Variants in RNF6 observed in about 807,000 individuals in gnomAD.
RNF6 encodes the protein E3 ubiquitin-protein ligase RNF6.
A neutral mutation model predicts 50.1 loss-of-function variants in RNF6; 21 were observed. The observed-to-expected ratio is 0.42, with a 90% CI of 0.30 to 0.60. The LOEUF is 0.60. Among genes scored for constraint, RNF6 ranks in the 20% least tolerant of loss-of-function variants. The pLI is 0.20. For synonymous variants in RNF6, 255 were observed against 291.8 expected (o/e 0.87, Z 1.29); for missense variants, 698 against 838.2 (o/e 0.83, Z 2.07).
chr13:26,166,205 G>A (rs1872444615), intron 5 of RNF6, among the ~76,000 whole-genome samples: 1 of 152,180 alleles, frequency 6.6e-6, no homozygotes, highest in Admixed American at 6.5e-5. Context: ...CATGTGAGAT[G>A]TGCCTTTCAC....
intron 5 of RNF6, among the ~76,000 whole-genome samples, chr13:26,164,136 T>C (rs1872338344): frequency 6.6e-6 from 1 of 152,232 alleles, no homozygotes; most frequent in South Asian, 2.1e-4. Context: ...ACTTGTTCTA[T>C]CAGCTAATTA....
rs753525436 is a variant in RNF6, at chr13:26,222,016, G to C, written c.-115C>G. Reference sequence around the variant, plus strand: ...CCTCGAGCCCACCTCTCCAGGTCTTGGGCCTTCGCCCTCCTGTCCGGAGAA... The same window carrying C: ...CCTCGAGCCCACCTCTCCAGGTCTTCGGCCTTCGCCCTCCTGTCCGGAGAA... On this transcript the variant is annotated 5_prime_UTR_variant, in exon 1 of 5. Coordinates refer to ENST00000381588, the MANE Select transcript of RNF6 (RefSeq NM_005977.4). The C allele has an allele frequency of 3.9e-5, 6 of 152,416 alleles. No individual in the cohort carries two copies. The highest frequency in any genetic ancestry group is 7.3e-5 in the Non-Finnish European group (5 of 68,082). The allele number at this position is 152,416 out of a possible 1,614,324, so 9.4% of individuals were successfully genotyped here. A position where few individuals can be genotyped will look rare whatever the true frequency, so the allele number is the denominator to read the frequency against.
intron 5 of RNF6, among the ~76,000 whole-genome samples, chr13:26,167,341 TAAAC>T (rs1316129107): frequency 6.6e-6 from 1 of 152,078 alleles, no homozygotes; most frequent in Non-Finnish European, 1.5e-5. Context: ...ATAAGGAACT[TAAAC>T]AAATTTACAA....
intron 5 of RNF6, among the ~76,000 whole-genome samples, chr13:26,149,926 ATATATACACAGTGTATATATAATGTG>A (rs1403327959): frequency 4.0e-5 from 4 of 99,144 alleles, no homozygotes; most frequent in Non-Finnish European, 8.6e-5. Context: ...ATGTGTATAT[ATATATACACAGTGTATATATAATGTG>A]TATATATATA....
chr13:26,204,120 C>G (rs1869002688), intron 5 of RNF6, among the ~76,000 whole-genome samples: 1 of 152,076 alleles, frequency 6.6e-6, no homozygotes, highest in Non-Finnish European at 1.5e-5. Context: ...AAGTGTTTCC[C>G]CAATAAATTT....
chr13:26,165,463 C>T (rs1171674637), intron 5 of RNF6, among the ~76,000 whole-genome samples: 1 of 152,168 alleles, frequency 6.6e-6, no homozygotes, highest in Non-Finnish European at 1.5e-5. Context: ...AAGAGGGCCA[C>T]CATCCTCCAG....
intron 5 of RNF6, among the ~76,000 whole-genome samples, chr13:26,205,838 CCT>C (rs1446749241): frequency 2.6e-5 from 4 of 152,100 alleles, no homozygotes; most frequent in Admixed American, 2.0e-4. Context: ...ATGTCGAAAC[CCT>C]GTCTCTACAA....
intron 4 of RNF6, among the ~76,000 whole-genome samples, chr13:26,218,188 TA>T (rs1414137564): frequency 6.6e-6 from 1 of 152,242 alleles, no homozygotes; most frequent in Non-Finnish European, 1.5e-5. Context: ...TATAAATTTT[TA>T]GAAGCTAAGT....
chr13:26,187,977 A>G (rs761773427), intron 5 of RNF6, among the ~76,000 whole-genome samples: 16 of 152,240 alleles, frequency 1.1e-4, no homozygotes, highest in Non-Finnish European at 2.4e-4. Context: ...TCAACAAGTG[A>G]TCTAAAACAA....
rs1436553487 is a variant in RNF6, at chr13:26,218,576, C to A, written c.224G>T (p.Arg75Leu). ...TAGTTGTTCCTTGACGCCATCTAAC[C>A]GCTGTTGCAGTTCTTCTGATGTTAT... ...GEITSEELQQ[R>L]LDGVKEQLAS... is the part of the protein sequence containing the mutation. Residue 75 changes from arginine to leucine, a missense_variant, in exon 4 of 5, where the codon CGG (arginine) becomes CTG (leucine). Arg to Leu is a moderately radical substitution (Grantham distance 102, BLOSUM62 -2). Coordinates refer to ENST00000381588, the MANE Select transcript of RNF6 (RefSeq NM_005977.4). 6.2e-7 allele frequency: 1 copy of A among 1,613,864 alleles called. No homozygotes were observed. The highest frequency in any genetic ancestry group is 8.5e-7 in the Non-Finnish European group (1 of 1,179,850).
chr13:26,183,166 G>T (rs1873323213), intron 5 of RNF6, among the ~76,000 whole-genome samples: 1 of 152,156 alleles, frequency 6.6e-6, no homozygotes, highest in Non-Finnish European at 1.5e-5. Flanking sequence ...TCTGTTATAT[G>T]CTTTTGCTCT....
chr13:26,153,370 C>T (rs1871735053), intron 5 of RNF6, among the ~76,000 whole-genome samples: 2 of 151,880 alleles, frequency 1.3e-5, no homozygotes, highest in South Asian at 2.1e-4. Context: ...TGCACCACCA[C>T]GTCCGGCTAA....
At chr13:26,154,786 T>C (rs1871818090) in intron 5 of RNF6, among the ~76,000 whole-genome samples, 1 of 152,200 alleles carries the variant, frequency 6.6e-6, no homozygotes, top group Non-Finnish European at 1.5e-5. Flanking sequence ...TCCTAGCACT[T>C]TGGGAGGCTG....
At chr13:26,202,503 G>C (rs1868935869) in intron 5 of RNF6, among the ~76,000 whole-genome samples, 1 of 152,266 alleles carries the variant, frequency 6.6e-6, no homozygotes, top group South Asian at 2.1e-4. Flanking sequence ...CCAGGTTCCT[G>C]AAATCCTAAG....
intron 5 of RNF6, among the ~76,000 whole-genome samples, chr13:26,163,558 A>T (rs1244531425): frequency 6.6e-6 from 1 of 152,202 alleles, no homozygotes; most frequent in Non-Finnish European, 1.5e-5. Flanking sequence ...CTTTAAATAA[A>T]TTTTAAAAAG....
At chr13:26,220,515 T>C (rs1293581216) in intron 2 of RNF6, among the ~76,000 whole-genome samples, 3 of 152,218 alleles carry the variant, frequency 2.0e-5, no homozygotes, top group Non-Finnish European at 4.4e-5. Context: ...TCACAAATAT[T>C]TTAGAATTTC....
intron 5 of RNF6, among the ~76,000 whole-genome samples, chr13:26,178,916 T>C (rs1873102630): frequency 6.6e-6 from 1 of 152,154 alleles, no homozygotes; most frequent in African/African-American, 2.4e-5. Context: ...TTATTTCACT[T>C]AGTATAATGT....
At chr13:26,165,152 C>A (rs1240955937) in intron 5 of RNF6, among the ~76,000 whole-genome samples, 3 of 152,172 alleles carry the variant, frequency 2.0e-5, no homozygotes, top group Non-Finnish European at 4.4e-5. Flanking sequence ...GCTGCCCCAG[C>A]CATGGCTGAA....
intron 5 of RNF6, among the ~76,000 whole-genome samples, chr13:26,188,623 CTTTTTTTTT>C (rs1163881143): frequency 6.9e-4 from 30 of 43,270 alleles, no homozygotes; most frequent in African/African-American, 2.6e-3. Context: ...GTCAAAAGAG[CTTTTTTTTT>C]TTTTTTTTTT....
Sources: allele counts gnomAD v4.1 joint callset (sites outside exome capture counted in the v4.1 genomes callset), GRCh38; gene constraint gnomAD v4.1.1; transcripts MANE v1.5; gene names NCBI Gene and HGNC (gene_info 2026-07-23, HGNC 2026-07-21).